Variants in DNAH7 observed in about 807,000 individuals in gnomAD.
DNAH7 encodes the protein dynein axonemal heavy chain 7.
DNAH7 carries 397 observed loss-of-function variants against 444.6 expected under a neutral mutation model. The observed-to-expected ratio is 0.89, with a 90% confidence interval of 0.82 to 0.97. The LOEUF is 0.97. Among genes scored for constraint, DNAH7 ranks in the 50% least tolerant of loss-of-function variants. The probability of loss-of-function intolerance (pLI) is 0.00; values close to 1 mark genes in which losing one functional copy is unlikely to be tolerated. For missense variants in DNAH7, 4,902 were observed against 4,800.8 expected (o/e 1.02, Z -0.62); for synonymous variants, 1,636 against 1,624.4 (o/e 1.01, Z -0.17).
At position 195,737,911 on chromosome 2, in the gene DNAH7, T is replaced by C. The variant is rs1348500846; in HGVS notation, c.*10A>G. On this transcript the variant is annotated 3_prime_UTR_variant, in exon 65 of 65. Coordinates refer to ENST00000312428, the MANE Select transcript of DNAH7 (RefSeq NM_018897.3). ...ACAAGAAATAGGAACAAGGAAATGA[T>C]GTCTTCTGGTTATGAATTAAGTTGA... is the stretch of plus-strand genomic sequence containing the variant. 1 of 1,612,098 alleles carries C rather than the reference T, an allele frequency of 6.2e-7. No individual in the cohort carries two copies. The highest frequency in any genetic ancestry group is 8.5e-7 in the Non-Finnish European group (1 of 1,178,408).
chr2:195,990,892 T>G (rs1333058065), intron 12 of DNAH7, among the ~76,000 whole-genome samples: 1 of 134,266 alleles, frequency 7.4e-6, no homozygotes, highest in East Asian at 2.3e-4. Flanking sequence ...CATATATACT[T>G]ATATACATAT....
Position 195,861,797 on chromosome 2 carries a change from A to G in DNAH7, c.7656T>C (p.Leu2552=), listed in dbSNP as rs777423204. 2 of 1,613,204 alleles carry G rather than the reference A, an allele frequency of 1.2e-6. No homozygotes were observed. Among genetic ancestry groups the G allele is most frequent in the South Asian group, 2.2e-5 (2 of 91,042 alleles). The change falls in exon 42 of 65, where the codon CTT becomes CTC. Residue 2552 remains leucine, a synonymous_variant. Coordinates refer to ENST00000312428, the MANE Select transcript of DNAH7 (RefSeq NM_018897.3). The part of the protein sequence containing the change: ...IDLSKSFFVE[L]QRYNYVTPTS... ...TAGGAGTCACATAATTGTATCTTTG[A>G]AGTTCAACAAAGAAAGATTTGGATA...
At chr2:195,985,181 A>G (rs1446838481) in intron 14 of DNAH7, among the ~76,000 whole-genome samples, 1 of 152,218 alleles carries the variant, frequency 6.6e-6, no homozygotes, top group Non-Finnish European at 1.5e-5. Flanking sequence ...GTTGCTGCCA[A>G]TACAAACCAT....
intron 10 of DNAH7, among the ~76,000 whole-genome samples, chr2:196,011,125 T>C (rs1694706267): frequency 6.6e-6 from 1 of 152,162 alleles, no homozygotes; most frequent in South Asian, 2.1e-4. Context: ...CAAGAATTTA[T>C]AGTATATTCC....
intron 6 of DNAH7, 40 bp downstream of exon 6, chr2:196,027,920 T>G: frequency 6.3e-7 from 1 of 1,575,610 alleles, no homozygotes; most frequent in South Asian, 1.1e-5. Flanking sequence ...AAGTGTTTCT[T>G]TCCTTTTCAA....
At chr2:195,832,440 CTTTCT>C (rs1698121239) in intron 48 of DNAH7, among the ~76,000 whole-genome samples, 1 of 150,266 alleles carries the variant, frequency 6.7e-6, no homozygotes. Context: ...TTTTTTCTTT[CTTTCT>C]TTTTTTTTTT....
At position 195,919,826 on chromosome 2, in the gene DNAH7, G is replaced by A. The variant is rs1046851699; in HGVS notation, c.3935+2262C>T. On this transcript the variant is annotated intron_variant, in intron 24 of 64. Coordinates refer to ENST00000312428, the MANE Select transcript of DNAH7 (RefSeq NM_018897.3). The stretch of plus-strand genomic sequence containing the variant: ...GTCATTTCCTGAGATGGGACTAGGG[G>A]AGGCTGAGTGAATTTGGGAGGTAAA... Among the ~76,000 whole-genome samples, 5 of 152,178 alleles carry A rather than the reference G, an allele frequency of 3.3e-5. No individual in the cohort carries two copies. The South Asian group carries it at 6.2e-4, about 19-fold the overall frequency.
intron 9 of DNAH7, among the ~76,000 whole-genome samples, chr2:196,013,326 C>T (rs1694827419): frequency 1.3e-5 from 2 of 152,096 alleles, no homozygotes; most frequent in South Asian, 4.1e-4. Flanking sequence ...AGGAGTCTCA[C>T]ATCTAATCAA....
chr2:195,800,579 T>C (rs1210087073), intron 54 of DNAH7, among the ~76,000 whole-genome samples: 1 of 152,204 alleles, frequency 6.6e-6, no homozygotes, highest in Non-Finnish European at 1.5e-5. Flanking sequence ...ATGTAACGGA[T>C]CTTTTTCTAC....
At chr2:195,930,906 A>T (rs1688649270) in intron 21 of DNAH7, among the ~76,000 whole-genome samples, 1 of 152,132 alleles carries the variant, frequency 6.6e-6, no homozygotes, top group South Asian at 2.1e-4. Flanking sequence ...CATCATCCTA[A>T]GCGAATTAAC....
intron 9 of DNAH7, among the ~76,000 whole-genome samples, chr2:196,017,784 A>G (rs374608074): frequency 6.6e-6 from 1 of 152,150 alleles, no homozygotes; most frequent in East Asian, 1.9e-4. Context: ...ATTCTACATC[A>G]TTGGTAAAAA....
chr2:196,019,246 T>G lies in DNAH7; in HGVS notation c.793A>C (p.Ser265Arg). 1 of 1,508,482 alleles carries G rather than the reference T, an allele frequency of 6.6e-7. No homozygotes were observed. Among genetic ancestry groups the G allele is most frequent in the Non-Finnish European group, 9.0e-7 (1 of 1,114,534 alleles). 93.4% of individuals were successfully genotyped at this position (1,508,482 alleles called of 1,614,324 possible). Residue 265 changes from serine to arginine, a missense_variant, in exon 9 of 65, where the codon AGT becomes CGT. Physicochemically the swap from Ser to Arg is moderately radical, Grantham distance 110 (BLOSUM62 -1). Transcript: ENST00000312428. The part of the protein sequence containing the change: ...PWRKSFLAAS[S>R]YIRDHLNAMN... ...GCATTCAAGTGATCCCTAATATAAC[T>G]GCTTGCAGCTAAAAAAGATTTCCTC...
chr2:195,975,564 C>T (rs938930200), intron 15 of DNAH7, among the ~76,000 whole-genome samples: 2 of 151,850 alleles, frequency 1.3e-5, no homozygotes, highest in Non-Finnish European at 2.9e-5. Context: ...GCTTGAGGTG[C>T]ACATGACCTA....
At chr2:196,021,395 C>G (rs1317266739) in intron 8 of DNAH7, among the ~76,000 whole-genome samples, 1 of 152,142 alleles carries the variant, frequency 6.6e-6, no homozygotes, top group Non-Finnish European at 1.5e-5. Context: ...AAGTTTGGTT[C>G]AAGACCACCC....
intron 58 of DNAH7, among the ~76,000 whole-genome samples, chr2:195,786,015 C>T (rs115221590): frequency 0.014 from 2,074 of 152,186 alleles, 50 homozygotes; most frequent in African/African-American, 0.047. Flanking sequence ...TTAGATGCTG[C>T]AGAATTGAGG....
intron 21 of DNAH7, among the ~76,000 whole-genome samples, chr2:195,929,840 AG>A: frequency 6.6e-6 from 1 of 152,360 alleles, no homozygotes; most frequent in African/African-American, 2.4e-5. Context: ...AGTTCTCAAA[AG>A]CAATTGCAAC....
chr2:195,817,435 G>A (rs746229152), intron 50 of DNAH7, among the ~76,000 whole-genome samples: 1 of 152,170 alleles, frequency 6.6e-6, no homozygotes, highest in Non-Finnish European at 1.5e-5. Context: ...CTAAAACTTT[G>A]TGGAATATTT....
chr2:196,016,237 A>T (rs905336008), intron 9 of DNAH7, among the ~76,000 whole-genome samples: 8 of 151,098 alleles, frequency 5.3e-5, no homozygotes, highest in African/African-American at 9.7e-5. Flanking sequence ...AAGTGGATAT[A>T]AAAAAAAACG....
chr2:195,811,946 A>G (rs1009112916), intron 51 of DNAH7, among the ~76,000 whole-genome samples: 1 of 152,194 alleles, frequency 6.6e-6, no homozygotes, highest in Non-Finnish European at 1.5e-5. Context: ...TTTACTAGCC[A>G]TGATACCAGA....
Sources: gnomAD v4.1 joint callset for allele counts (sites outside exome capture counted in the v4.1 genomes callset) on GRCh38, gnomAD v4.1.1 for gene constraint, MANE v1.5 for transcripts, NCBI Gene and HGNC (gene_info 2026-07-23, HGNC 2026-07-21) for gene names.